The following PEAK1 variants were observed in gnomAD, a reference collection of about 807,000 sequenced individuals.
PEAK1 encodes inactive tyrosine-protein kinase PEAK1.
Under a neutral mutation model 124.7 loss-of-function variants are expected in PEAK1, and 54 were observed. The observed-to-expected ratio is 0.43, with a 90% CI of 0.35 to 0.54. PEAK1 has a LOEUF of 0.54. Among genes scored for constraint, PEAK1 ranks in the 20% least tolerant of loss-of-function variants. PEAK1 has a pLI of 0.01. For missense variants in PEAK1, 2,046 were observed against 2,134.5 expected (o/e 0.96, Z 0.82); for synonymous variants, 719 against 760.0 (o/e 0.95, Z 0.89).
chr15:77,298,197 ATTTTTTTTTTTTTTTTTTTTTTT>A (rs749000554), intron 2 of PEAK1, among the ~76,000 whole-genome samples: 1 of 37,822 alleles, frequency 2.6e-5, no homozygotes, highest in Non-Finnish European at 4.2e-5. Context: ...GGTATCCTTA[ATTTTTTTTTTTTTTTTTTTTTTT>A]TTTTTTTTTT....
At chr15:77,326,622 G>T (rs758332497) in intron 2 of PEAK1, among the ~76,000 whole-genome samples, 2 of 152,040 alleles carry the variant, frequency 1.3e-5, no homozygotes, top group Non-Finnish European at 2.9e-5. Context: ...TAATCTAAGA[G>T]AAACAAAAAT....
intron 6 of PEAK1, among the ~76,000 whole-genome samples, chr15:77,242,812 T>C (rs939194900): frequency 6.6e-6 from 1 of 152,228 alleles, no homozygotes; most frequent in Non-Finnish European, 1.5e-5. Context: ...TCTAGAATTC[T>C]ATCATGCCTC....
chr15:77,273,104 A>C (rs2062123093), intron 5 of PEAK1, among the ~76,000 whole-genome samples: 1 of 152,162 alleles, frequency 6.6e-6, no homozygotes, highest in Non-Finnish European at 1.5e-5. Context: ...TTCGTAAAGA[A>C]GGAACATACC....
Position 77,341,241 on chromosome 15 carries a change from A to G in PEAK1, c.-603+23922T>C, listed in dbSNP as rs369884987. Among the ~76,000 whole-genome samples the G allele has an allele frequency of 7.3e-3, 1,110 of 151,972 alleles. 15 individuals are homozygous for G. Among genetic ancestry groups the G allele is most frequent in the African/African-American group, 0.025 (1,055 of 41,460 alleles). On this transcript the variant is annotated intron_variant, in intron 2 of 9. Coordinates refer to ENST00000682557, the MANE Select transcript of PEAK1 (RefSeq NM_001385026.1). ...TGCTTGGCTGGGTGTGGTGGCTCAC[A>G]CCGCCTGTAATCCCAGTACTTTGGG... is the stretch of plus-strand genomic sequence containing the variant.
chr15:77,318,917 C>A (rs1315786038), intron 2 of PEAK1, among the ~76,000 whole-genome samples: 1 of 152,036 alleles, frequency 6.6e-6, no homozygotes, highest in Non-Finnish European at 1.5e-5. Flanking sequence ...CTTTCCTGAA[C>A]CACGAACCAC....
At chr15:77,225,666 T>TATATATATATATATA (rs1555448933) in intron 6 of PEAK1, among the ~76,000 whole-genome samples, 17 of 87,978 alleles carry the variant, frequency 1.9e-4, no homozygotes, top group South Asian at 4.2e-4. Flanking sequence ...TGTGTATAAT[T>TATATATATATATATA]TATATATATA....
chr15:77,379,308 ATTCTC>A (rs759152584), intron 1 of PEAK1, among the ~76,000 whole-genome samples: 1 of 152,192 alleles, frequency 6.6e-6, no homozygotes, highest in Non-Finnish European at 1.5e-5. Context: ...CTGAATTAGC[ATTCTC>A]TATTGAACTA....
intron 2 of PEAK1, chr15:77,347,386 A>G (rs2066931036): frequency 5.1e-6 from 5 of 985,306 alleles, no homozygotes; most frequent in Non-Finnish European, 6.0e-6. Context: ...TGAATCAGAA[A>G]GAATCGGCAT....
intron 1 of PEAK1, among the ~76,000 whole-genome samples, chr15:77,410,327 G>A (rs1446735000): frequency 6.6e-6 from 1 of 152,116 alleles, no homozygotes; most frequent in Admixed American, 6.5e-5. Context: ...CTTTCTCCAT[G>A]TGGGTCAGGC....
chr15:77,102,139 CAGAAAA>C (rs1333100255), exon 7 of PEAK1: 6 of 152,160 alleles, frequency 3.9e-5, no homozygotes, highest in Admixed American at 6.5e-5. Context: ...TATAATCAAT[CAGAAAA>C]AGCTGTTAAA....
At chr15:77,296,457 AT>A (rs778997037) in intron 2 of PEAK1, among the ~76,000 whole-genome samples, 1 of 151,590 alleles carries the variant, frequency 6.6e-6, no homozygotes, top group Non-Finnish European at 1.5e-5. Context: ...TACTAAAAAT[AT>A]AAAAAATTAG....
intron 2 of PEAK1, among the ~76,000 whole-genome samples, chr15:77,355,458 AGAGGAGC>A (rs2067461211): frequency 6.6e-6 from 1 of 152,226 alleles, no homozygotes; most frequent in South Asian, 2.1e-4. Context: ...ACTTAGCAGA[AGAGGAGC>A]GACTTTAAGT....
intron 2 of PEAK1, among the ~76,000 whole-genome samples, chr15:77,312,863 A>G (rs1383433984): frequency 6.6e-6 from 1 of 152,230 alleles, no homozygotes; most frequent in Admixed American, 6.5e-5. Flanking sequence ...CCTAGCTGAA[A>G]GATGTCTAAA....
chr15:77,250,347 A>G (rs968030725), intron 6 of PEAK1, among the ~76,000 whole-genome samples: 3 of 150,670 alleles, frequency 2.0e-5, no homozygotes, highest in Non-Finnish European at 2.9e-5. Context: ...CCTGGGTTCA[A>G]GCAATTCTCC....
At chr15:77,272,072 T>C (rs1374048059) in intron 5 of PEAK1, among the ~76,000 whole-genome samples, 2 of 152,122 alleles carry the variant, frequency 1.3e-5, no homozygotes, top group Non-Finnish European at 2.9e-5. Context: ...AACTGAACGA[T>C]AATAGTGACA....
At chr15:77,381,576 G>C in intron 1 of PEAK1, 1 of 608,118 alleles carries the variant, frequency 1.6e-6, no homozygotes, top group Non-Finnish European at 2.1e-6. Flanking sequence ...GTAAGGCATA[G>C]AGTCATTTTT....
At chr15:77,203,920 C>T (rs2058498243) in intron 6 of PEAK1, among the ~76,000 whole-genome samples, 1 of 151,938 alleles carries the variant, frequency 6.6e-6, no homozygotes, top group Non-Finnish European at 1.5e-5. Flanking sequence ...TAAGCTGAAC[C>T]TCATTAAAAT....
chr15:77,417,434 G>C lies in PEAK1; in HGVS notation c.-666+2572C>G, dbSNP rs965604847. The C allele has an allele frequency of 4.2e-6, 4 of 956,938 alleles. No homozygotes were observed. In the African/African-American group the frequency reaches 7.2e-5, roughly 17 times the overall value. 59.3% of individuals were successfully genotyped at this position (956,938 alleles called of 1,614,324 possible). A position where few individuals can be genotyped will look rare whatever the true frequency, so the allele number is the denominator to read the frequency against. On this transcript the variant is annotated intron_variant, in intron 1 of 9. Coordinates refer to ENST00000682557, the MANE Select transcript of PEAK1 (RefSeq NM_001385026.1). ...CTTTAGTAATGAAAGGACTAGGAAGGAGAGTGGGGTGGGGGGATGCGGGGC... is the reference window on the plus strand; with the variant it reads ...CTTTAGTAATGAAAGGACTAGGAAGCAGAGTGGGGTGGGGGGATGCGGGGC...
chr15:77,392,183 G>A lies in PEAK1; in HGVS notation c.-665-26958C>T, dbSNP rs554243225. 1.2e-4 allele frequency among the ~76,000 whole-genome samples: 19 copies of A among 152,278 alleles called. No individual in the cohort carries two copies. The South Asian group carries it at 2.9e-3, about 23-fold the overall frequency. On this transcript the variant is annotated intron_variant, in intron 1 of 9. Coordinates refer to ENST00000682557, the MANE Select transcript of PEAK1 (RefSeq NM_001385026.1). The stretch of plus-strand genomic sequence containing the variant: ...CAAAGAAGGCATGCAGAAAATGTTC[G>A]CAAAACTGAACTAAAAATCAGAATC...
Sources: allele counts gnomAD v4.1 joint callset (sites outside exome capture counted in the v4.1 genomes callset), GRCh38; gene constraint gnomAD v4.1.1; transcripts MANE v1.5; gene names NCBI Gene and HGNC (gene_info 2026-07-23, HGNC 2026-07-21).